KHDRBS2: variants seen among roughly 807,000 people sequenced by gnomAD.
KHDRBS2 encodes KH RNA binding domain containing, signal transduction associated 2.
Under a neutral mutation model 44.3 loss-of-function variants are expected in KHDRBS2, and 26 were observed. That is an observed-to-expected ratio of 0.59 (90% CI 0.43 to 0.81). The LOEUF (loss-of-function observed/expected upper bound fraction) is 0.81. KHDRBS2 is among the 40% of genes least tolerant of loss of function. The probability of loss-of-function intolerance (pLI) is 0.00; values close to 1 mark genes in which losing one functional copy is unlikely to be tolerated. For synonymous variants in KHDRBS2, 194 were observed against 151.1 expected, an observed-to-expected ratio of 1.28 and a Z score of -2.08; for missense variants, 476 against 433.1, an observed-to-expected ratio of 1.10 and a Z score of -0.88.
chr6:61,645,063 C>T, the KHDRBS2 span, among the ~76,000 whole-genome samples: 1 of 152,106 alleles, frequency 6.6e-6, no homozygotes, highest in Non-Finnish European at 1.5e-5. Flanking sequence ...ATGGAATCAA[C>T]CTAAATGCCC....
chr6:61,857,386 G>T (rs1796299363), intron 6 of KHDRBS2, among the ~76,000 whole-genome samples: 1 of 151,640 alleles, frequency 6.6e-6, no homozygotes, highest in Non-Finnish European at 1.5e-5. Flanking sequence ...TATAACCATG[G>T]CTTAAAAATA....
In KHDRBS2 at chr6:61,712,105, G is replaced by A. The variant is rs371471232; in HGVS notation, c.894-14852C>T. Among the ~76,000 whole-genome samples, 348 of 151,782 alleles carry A rather than the reference G, an allele frequency of 2.3e-3. 1 individual carries two copies. The highest frequency in any genetic ancestry group is 8.2e-3 in the African/African-American group (339 of 41,434). On this transcript the variant is annotated intron_variant, in intron 7 of 8. Coordinates refer to ENST00000281156, the MANE Select transcript of KHDRBS2 (RefSeq NM_152688.4). Reference sequence around the variant, plus strand: ...AGGCACATGGGGGAGCTCTTTTCACGGCAATGGCAAGAAGACAAGCGGAAA... The same window carrying A: ...AGGCACATGGGGGAGCTCTTTTCACAGCAATGGCAAGAAGACAAGCGGAAA...
At chr6:61,649,682 T>C in the KHDRBS2 span, among the ~76,000 whole-genome samples, 1 of 152,202 alleles carries the variant, frequency 6.6e-6, no homozygotes, top group Non-Finnish European at 1.5e-5. Context: ...TCATACATAA[T>C]TCCTCCATTT....
At chr6:61,739,698 C>T (rs187429215) in intron 6 of KHDRBS2, among the ~76,000 whole-genome samples, 74 of 151,936 alleles carry the variant, frequency 4.9e-4, no homozygotes, top group Admixed American at 5.3e-4. Flanking sequence ...TGGCTTTTAG[C>T]ATTTGTCAAT....
chr6:61,955,103 T>TAC (rs1766307613), intron 4 of KHDRBS2, among the ~76,000 whole-genome samples: 1 of 122,372 alleles, frequency 8.2e-6, no homozygotes. Context: ...TATATGTATA[T>TAC]ATACACATAT....
At chr6:61,995,336 G>T (rs1356182578) in intron 3 of KHDRBS2, among the ~76,000 whole-genome samples, 2 of 152,094 alleles carry the variant, frequency 1.3e-5, no homozygotes, top group East Asian at 3.9e-4. Context: ...TCCTAGAAGT[G>T]ACTATTTTTG....
At chr6:62,116,398 T>A (rs1806236322) in intron 2 of KHDRBS2, among the ~76,000 whole-genome samples, 1 of 152,166 alleles carries the variant, frequency 6.6e-6, no homozygotes, top group Non-Finnish European at 1.5e-5. Flanking sequence ...TGAGTTTGTT[T>A]TAAATTCTGC....
chr6:61,651,945 T>C, the KHDRBS2 span, among the ~76,000 whole-genome samples: 1 of 152,134 alleles, frequency 6.6e-6, no homozygotes, highest in African/African-American at 2.4e-5. Flanking sequence ...TAGATTTCAT[T>C]TGTGGGTAGC....
In KHDRBS2 at chr6:61,732,742, C is replaced by T. The variant is rs1383483098; in HGVS notation, c.833G>A (p.Gly278Asp). ...EEYGYDDGYG[G>D]EYDDQTYETY... ...CTCATAGGTCTGGTCATCATATTCA[C>T]CCCCGTAGCCATCATCATAACCCTG... is the stretch of plus-strand genomic sequence containing the variant. The change falls in exon 7 of 9, where the codon GGT (glycine) becomes GAT (aspartate). Residue 278 changes from glycine to aspartate, a missense_variant. Coordinates refer to ENST00000281156, the MANE Select transcript of KHDRBS2 (RefSeq NM_152688.4). 2 of 1,608,230 alleles carry T rather than the reference C, an allele frequency of 1.2e-6. No homozygotes were observed. The highest frequency in any genetic ancestry group is 1.7e-6 in the Non-Finnish European group (2 of 1,174,852).
chr6:62,064,011 G>A (rs2127332304), intron 2 of KHDRBS2, among the ~76,000 whole-genome samples: 1 of 148,150 alleles, frequency 6.7e-6, no homozygotes, highest in Admixed American at 6.9e-5. Flanking sequence ...CCCAAATCAT[G>A]AGTGAACTCC....
At chr6:61,947,083 G>T (rs556148634) in intron 4 of KHDRBS2, among the ~76,000 whole-genome samples, 4 of 151,786 alleles carry the variant, frequency 2.6e-5, no homozygotes, top group Admixed American at 2.6e-4. Context: ...CAAGAATGAA[G>T]AAGATCTTAA....
intron 1 of KHDRBS2, among the ~76,000 whole-genome samples, chr6:62,263,718 A>G: frequency 6.6e-6 from 1 of 151,870 alleles, no homozygotes; most frequent in South Asian, 2.1e-4. Flanking sequence ...TATTTACTAA[A>G]TTCTCTTAAT....
At chr6:62,038,285 T>C (rs1785726697) in intron 3 of KHDRBS2, among the ~76,000 whole-genome samples, 1 of 152,002 alleles carries the variant, frequency 6.6e-6, no homozygotes, top group African/African-American at 2.4e-5. Flanking sequence ...AAGTAAACTC[T>C]GCGGTGTTGT....
At chr6:61,870,769 G>A (rs1230197913) in intron 6 of KHDRBS2, among the ~76,000 whole-genome samples, 4 of 149,428 alleles carry the variant, frequency 2.7e-5, no homozygotes, top group Admixed American at 1.3e-4. Flanking sequence ...TCCAGCAGAC[G>A]TGCAGCAGAG....
intron 2 of KHDRBS2, among the ~76,000 whole-genome samples, chr6:62,108,134 A>G (rs1803961779): frequency 6.6e-6 from 1 of 152,168 alleles, no homozygotes; most frequent in Admixed American, 6.5e-5. Context: ...CAGCAAAAGA[A>G]ACTACCATCA....
At chr6:61,590,398 A>G in the KHDRBS2 span, among the ~76,000 whole-genome samples, 2 of 152,172 alleles carry the variant, frequency 1.3e-5, no homozygotes, top group Non-Finnish European at 2.9e-5. Context: ...GGTGACATTG[A>G]CCTTGGTGCA....
At chr6:61,768,832 T>G (rs1029860313) in intron 6 of KHDRBS2, among the ~76,000 whole-genome samples, 3 of 152,036 alleles carry the variant, frequency 2.0e-5, no homozygotes, top group African/African-American at 7.2e-5. Flanking sequence ...CTTATAAAAG[T>G]GCTTTTTTGT....
At chr6:61,758,278 T>G (rs1456453702) in intron 6 of KHDRBS2, among the ~76,000 whole-genome samples, 2 of 152,098 alleles carry the variant, frequency 1.3e-5, no homozygotes, top group Admixed American at 6.6e-5. Context: ...GTTTCATATA[T>G]TTTGTATGTT....
chr6:62,155,135 G>C (rs1816074709), intron 2 of KHDRBS2, among the ~76,000 whole-genome samples: 1 of 152,086 alleles, frequency 6.6e-6, no homozygotes, highest in African/African-American at 2.4e-5. Context: ...GTGGCAGTGG[G>C]GCTGAAGAAA....
Sources: allele counts gnomAD v4.1 joint callset (sites outside exome capture counted in the v4.1 genomes callset), GRCh38; gene constraint gnomAD v4.1.1; transcripts MANE v1.5; gene names NCBI Gene and HGNC (gene_info 2026-07-23, HGNC 2026-07-21).